Variants in HYDIN observed in about 807,000 individuals in gnomAD.
HYDIN encodes HYDIN axonemal central pair apparatus protein.
In HYDIN, 132 loss-of-function variants were observed where a neutral mutation model predicts 403.9. The ratio of observed to expected loss-of-function variants is 0.33; its 90% CI spans 0.28 to 0.38. The LOEUF (loss-of-function observed/expected upper bound fraction) is 0.38. Ranked by LOEUF, HYDIN falls within the 10% of genes least tolerant of loss-of-function variation. The pLI, the probability that HYDIN is intolerant of heterozygous loss-of-function variation, is 1.00. For synonymous variants in HYDIN, 1,202 were observed against 1,891.7 expected, an observed-to-expected ratio of 0.64 and a Z score of 9.46; for missense variants, 2,827 against 5,009.5, an observed-to-expected ratio of 0.56 and a Z score of 13.15.
In HYDIN at chr16:71,055,066, A is replaced by G. The variant is rs2081831214; in HGVS notation, c.2529+5438T>C. 2.0e-5 allele frequency among the ~76,000 whole-genome samples: 3 copies of G among 152,284 alleles called. No individual in the cohort carries two copies. The South Asian group carries it at 6.2e-4, about 32-fold the overall frequency. ...TTCTCCTGCCCTTTTAACAAATCCT[A>G]CTCCTCTAGGTGTGTCTACCTTAAA... On this transcript the variant is annotated intron_variant, in intron 18 of 85. Coordinates refer to ENST00000393567, the MANE Select transcript of HYDIN (RefSeq NM_001270974.2).
chr16:71,134,892 T>C (rs1412399241), intron 8 of HYDIN, among the ~76,000 whole-genome samples: 1 of 152,312 alleles, frequency 6.6e-6, no homozygotes, highest in Admixed American at 6.5e-5. Context: ...GAGATCAGCA[T>C]GACTGGTATC....
chr16:71,089,309 T>C (rs1013035746), intron 11 of HYDIN, among the ~76,000 whole-genome samples: 1 of 152,136 alleles, frequency 6.6e-6, no homozygotes, highest in African/African-American at 2.4e-5. Flanking sequence ...ACAATTCTTG[T>C]GCATGAACCT....
chr16:71,000,586 A>G (rs1195688916), intron 23 of HYDIN, among the ~76,000 whole-genome samples: 1 of 152,072 alleles, frequency 6.6e-6, no homozygotes, highest in East Asian at 1.9e-4. Flanking sequence ...AAAGAGAGCT[A>G]AAGGCCTACC....
chr16:71,033,773 C>T (rs59609914), intron 18 of HYDIN, among the ~76,000 whole-genome samples: 46,611 of 151,924 alleles, frequency 0.31, 8,466 homozygotes, highest in Non-Finnish European at 0.41. Flanking sequence ...TGCACAAGTA[C>T]CCTAGAACTT....
intron 18 of HYDIN, among the ~76,000 whole-genome samples, chr16:71,042,629 C>A (rs970443443): frequency 1.3e-5 from 2 of 152,168 alleles, no homozygotes. Context: ...TCTTATACAA[C>A]GTTCAGGTTC....
intron 1 of HYDIN, among the ~76,000 whole-genome samples, chr16:71,206,980 G>C (rs952748613): frequency 5.9e-5 from 9 of 152,162 alleles, no homozygotes; most frequent in Admixed American, 5.9e-4. Flanking sequence ...CTGGGAGAAA[G>C]GAAGCAACCT....
intron 13 of HYDIN, among the ~76,000 whole-genome samples, chr16:71,074,850 G>T (rs1008684130): frequency 6.6e-6 from 1 of 150,868 alleles, no homozygotes; most frequent in Admixed American, 6.6e-5. Context: ...GGAGTCATGA[G>T]GCTTAAATTG....
At chr16:70,888,823 C>G (rs893212441) in intron 58 of HYDIN, among the ~76,000 whole-genome samples, 9 of 152,180 alleles carry the variant, frequency 5.9e-5, no homozygotes, top group Non-Finnish European at 1.2e-4. Flanking sequence ...GCAGAGGTGG[C>G]GTGGGACCAA....
rs570192125 is a variant in HYDIN, at chr16:70,804,250, G to A, written c.*3330C>T. 9.5e-4 allele frequency among the ~76,000 whole-genome samples: 145 copies of A among 152,340 alleles called. No homozygotes were observed. The highest frequency in any genetic ancestry group is 3.4e-3 in the Middle Eastern group (1 of 294). On this transcript the variant is annotated 3_prime_UTR_variant, in exon 86 of 86. Transcript: ENST00000393567. The stretch of plus-strand genomic sequence containing the variant: ...AACTTCCTCCTCTCTCAGGGGCTAG[G>A]AGGATTTGGACCCTAGACTCAGTGG...
chr16:71,221,675 TAAG>T (rs1181857415), intron 1 of HYDIN, among the ~76,000 whole-genome samples: 1 of 152,200 alleles, frequency 6.6e-6, no homozygotes, highest in East Asian at 1.9e-4. Flanking sequence ...TATCTAATTC[TAAG>T]AAGAATGTAT....
intron 1 of HYDIN, among the ~76,000 whole-genome samples, chr16:71,200,261 GC>G (rs961726871): frequency 8.5e-5 from 13 of 152,184 alleles, no homozygotes; most frequent in African/African-American, 3.1e-4. Context: ...CTATGGAGTA[GC>G]CATTCTTTTA....
intron 23 of HYDIN, among the ~76,000 whole-genome samples, chr16:71,002,475 C>T (rs1412903489): frequency 6.6e-6 from 1 of 151,444 alleles, no homozygotes; most frequent in Admixed American, 6.6e-5. Context: ...TCACTTGAGC[C>T]CAGGAGTTTG....
At chr16:71,207,679 T>C (rs1181970159) in intron 1 of HYDIN, among the ~76,000 whole-genome samples, 1 of 151,962 alleles carries the variant, frequency 6.6e-6, no homozygotes. Context: ...AAGAGACCCA[T>C]CTCACATGCA....
chr16:71,116,492 G>C (rs1463526910), intron 9 of HYDIN, among the ~76,000 whole-genome samples: 5 of 152,152 alleles, frequency 3.3e-5, no homozygotes, highest in Non-Finnish European at 5.9e-5. Context: ...AATGAACATG[G>C]GGGTGCAGAG....
At chr16:70,927,660 G>T (rs1008821205) in intron 45 of HYDIN, among the ~76,000 whole-genome samples, 18 of 152,346 alleles carry the variant, frequency 1.2e-4, no homozygotes, top group African/African-American at 4.1e-4. Flanking sequence ...GCTTGCCCTT[G>T]AATACTTTCC....
At chr16:71,209,487 T>A (rs9929257) in intron 1 of HYDIN, among the ~76,000 whole-genome samples, 54,307 of 151,008 alleles carry the variant, frequency 0.36, 10,119 homozygotes, top group East Asian at 0.57. Context: ...CTGGAACAAC[T>A]CAAAGGATGT....
chr16:71,214,540 G>C (rs999830171), intron 1 of HYDIN, among the ~76,000 whole-genome samples: 2 of 152,152 alleles, frequency 1.3e-5, no homozygotes, highest in African/African-American at 4.8e-5. Context: ...GTGTAAGTTG[G>C]AAGCACCCTC....
At chr16:70,847,553 A>C (rs558412402) in intron 75 of HYDIN, among the ~76,000 whole-genome samples, 34 of 152,204 alleles carry the variant, frequency 2.2e-4, no homozygotes, top group Admixed American at 1.6e-3. Context: ...ATTGTTCCCC[A>C]AAATCGGCAG....
intron 5 of HYDIN, among the ~76,000 whole-genome samples, chr16:71,172,937 G>T (rs2086525879): frequency 6.6e-6 from 1 of 152,246 alleles, no homozygotes; most frequent in East Asian, 1.9e-4. Flanking sequence ...TCACTCATTG[G>T]CTGCATTCTG....
Sources: allele counts gnomAD v4.1 joint callset (sites outside exome capture counted in the v4.1 genomes callset), GRCh38; gene constraint gnomAD v4.1.1; transcripts MANE v1.5; gene names NCBI Gene and HGNC (gene_info 2026-07-23, HGNC 2026-07-21).